Variants in SIRPD observed in about 807,000 individuals in gnomAD.
SIRPD encodes the protein signal-regulatory protein delta.
Under a neutral mutation model 18.0 loss-of-function variants are expected in SIRPD, and 21 were observed. The observed-to-expected ratio is 1.17, with a 90% CI of 0.83 to 1.68. The LOEUF (loss-of-function observed/expected upper bound fraction) is 1.68. SIRPD is among the 40% of genes most tolerant of loss of function. SIRPD has a pLI of 0.00. For synonymous variants in SIRPD, 106 were observed against 92.9 expected (o/e 1.14, Z -0.81); for missense variants, 295 against 238.4 (o/e 1.24, Z -1.56).
At chr20:1,549,564 T>G (rs181078414) in intron 2 of SIRPD, among the ~76,000 whole-genome samples, 21 of 152,104 alleles carry the variant, frequency 1.4e-4, no homozygotes, top group Non-Finnish European at 2.9e-4. Context: ...ATTATTTTGG[T>G]GCAGTTGATT....
chr20:1,547,060 C>T (rs2090996620), intron 2 of SIRPD, among the ~76,000 whole-genome samples: 1 of 152,060 alleles, frequency 6.6e-6, no homozygotes, highest in Non-Finnish European at 1.5e-5. Flanking sequence ...GTTTCTCATG[C>T]TTTTGATACT....
chr20:1,537,384 G>A, intron 2 of SIRPD, 74 bp from the exon 3 acceptor site: 1 of 1,455,250 alleles, frequency 6.9e-7, no homozygotes. Flanking sequence ...AGGGCTGTAG[G>A]ATTATGACCG....
rs777244463 is a variant in SIRPD, at chr20:1,551,945, G to A, written c.167C>T (p.Thr56Ile). The change falls in exon 2 of 4, where the codon ACC (threonine) becomes ATC (isoleucine). Residue 56 changes from threonine (T) to isoleucine (I), a missense_variant. By Grantham distance (89) the Thr-to-Ile change is moderately conservative. Transcript: ENST00000381623. ...SIILSCSVPN[T>I]LPNGPVLWFK... ...CCACAAGACAGGTCCATTTGGTAAG[G>A]TATTGGGTACGCTGCAACTCAAGAT... 1.2e-6 allele frequency: 2 copies of A among 1,614,076 alleles called. No individual in the cohort carries two copies. Among genetic ancestry groups the A allele is most frequent in the African/African-American group, 1.3e-5 (1 of 75,010 alleles).
chr20:1,555,879 C>G (rs965424668), intron 1 of SIRPD, among the ~76,000 whole-genome samples: 5 of 152,204 alleles, frequency 3.3e-5, no homozygotes, highest in African/African-American at 1.2e-4. Flanking sequence ...CACCAAGCTC[C>G]ACTCAAGGTG....
chr20:1,540,644 A>AT (rs1006147929), intron 2 of SIRPD, among the ~76,000 whole-genome samples: 1 of 152,042 alleles, frequency 6.6e-6, no homozygotes, highest in Non-Finnish European at 1.5e-5. Flanking sequence ...TAAAAAATTG[A>AT]TTTTTTAAAT....
intron 2 of SIRPD, among the ~76,000 whole-genome samples, chr20:1,540,948 T>C (rs1025427588): frequency 6.6e-6 from 1 of 152,194 alleles, no homozygotes. Flanking sequence ...TTCATCCATG[T>C]CCCTGGAAAG....
intron 1 of SIRPD, among the ~76,000 whole-genome samples, chr20:1,556,241 A>G (rs1438237766): frequency 6.6e-6 from 1 of 151,890 alleles, no homozygotes. Context: ...GTCACCTTAC[A>G]GTCTGTGTAC....
rs746413734 is a variant in SIRPD at position 1,552,033 on chromosome 20, T to A, written c.79A>T (p.Thr27Ser). 1.9e-6 allele frequency: 3 copies of A among 1,609,478 alleles called. No individual in the cohort carries two copies. Among genetic ancestry groups the A allele is most frequent in the Non-Finnish European group, 2.5e-6 (3 of 1,176,718 alleles). The change falls in exon 2 of 4, where the codon ACA (threonine) becomes TCA (serine). Residue 27 changes from threonine to serine, a missense_variant. Transcript: ENST00000381623. ...GTTTGTTGCACATGGAACACATGTG[T>A]GACTCCTGGAAAAAAGCTGAAAATC... The part of the protein sequence containing the change: ...LYLLLELAGV[T>S]HVFHVQQTEM...
At chr20:1,537,395 T>C (rs991072965) in intron 2 of SIRPD, 85 bp from the exon 3 acceptor site, 6 of 1,409,724 alleles carry the variant, frequency 4.3e-6, no homozygotes, top group Middle Eastern at 1.8e-4. Flanking sequence ...ATTATGACCG[T>C]TCCAGTTTCT....
chr20:1,544,305 G>C (rs1335206881), intron 2 of SIRPD, among the ~76,000 whole-genome samples: 1 of 152,154 alleles, frequency 6.6e-6, no homozygotes, highest in Non-Finnish European at 1.5e-5. Flanking sequence ...TGTATTGAGG[G>C]CATATATATT....
intron 3 of SIRPD, among the ~76,000 whole-genome samples, chr20:1,535,203 C>T (rs2090940186): frequency 6.6e-6 from 1 of 152,130 alleles, no homozygotes; most frequent in Non-Finnish European, 1.5e-5. Flanking sequence ...AACAAATAAA[C>T]CACCATATTT....
intron 2 of SIRPD, among the ~76,000 whole-genome samples, chr20:1,544,107 C>T (rs906932607): frequency 2.0e-5 from 3 of 152,164 alleles, no homozygotes. Flanking sequence ...GTGGAGAGTT[C>T]TGTAGATGTC....
chr20:1,534,508 AT>A, intron 3 of SIRPD, 67 bp from the exon 4 acceptor site: 2 of 1,459,948 alleles, frequency 1.4e-6, no homozygotes, highest in South Asian at 1.2e-5. Context: ...AGCAGACACA[AT>A]TTTTAGAATA....
chr20:1,552,050 C>T lies in SIRPD; in HGVS notation c.74-12G>A, dbSNP rs749693028. On this transcript the variant is annotated splice_polypyrimidine_tract_variant and intron_variant, in intron 1 of 3. Coordinates refer to ENST00000381623, the MANE Select transcript of SIRPD (RefSeq NM_178460.3). ...CACATGTGTGACTCCTGGAAAAAAGCTGAAAATCATTTCTCATTTCCCCTG... is the reference window on the plus strand; with the variant it reads ...CACATGTGTGACTCCTGGAAAAAAGTTGAAAATCATTTCTCATTTCCCCTG... 3.7e-6 allele frequency: 6 copies of T among 1,605,438 alleles called. No individual in the cohort carries two copies. The highest frequency in any genetic ancestry group is 3.4e-6 in the Non-Finnish European group (4 of 1,173,874).
chr20:1,537,115 G>A (rs1018161293), intron 3 of SIRPD, 40 bp downstream of exon 3: 1 of 1,599,386 alleles, frequency 6.3e-7, no homozygotes, highest in African/African-American at 1.3e-5. Flanking sequence ...ACTCAGGAGA[G>A]CATCCCTGCA....
At chr20:1,557,142 A>G (rs1280255610) in intron 1 of SIRPD, among the ~76,000 whole-genome samples, 2 of 152,162 alleles carry the variant, frequency 1.3e-5, no homozygotes, top group African/African-American at 4.8e-5. Flanking sequence ...AGTCCCAGCT[A>G]CTTGGGAGTT....
At position 1,551,956 on chromosome 20, in the gene SIRPD, G is replaced by A. The variant is rs138159839; in HGVS notation, c.156C>T (p.Ser52=). Residue 52 remains serine, a synonymous_variant, in exon 2 of 4, where the codon AGC becomes AGT. Coordinates refer to ENST00000381623, the MANE Select transcript of SIRPD (RefSeq NM_178460.3). ...STGESIILSC[S]VPNTLPNGPV... is the part of the protein sequence containing the mutation. Reference sequence around the variant, plus strand: ...GTCCATTTGGTAAGGTATTGGGTACGCTGCAACTCAAGATGATTGACTCCC... The same window carrying A: ...GTCCATTTGGTAAGGTATTGGGTACACTGCAACTCAAGATGATTGACTCCC... The A allele has an allele frequency of 2.0e-5, 33 of 1,613,990 alleles. No individual in the cohort carries two copies. Among genetic ancestry groups the A allele is most frequent in the South Asian group, 4.4e-5 (4 of 91,074 alleles).
chr20:1,544,756 C>A (rs915648060), intron 2 of SIRPD, among the ~76,000 whole-genome samples: 1 of 152,092 alleles, frequency 6.6e-6, no homozygotes, highest in Admixed American at 6.6e-5. Context: ...TGTCTGGTAC[C>A]AGTTTTTCCT....
At chr20:1,536,350 A>G (rs371049575) in intron 3 of SIRPD, among the ~76,000 whole-genome samples, 11 of 152,068 alleles carry the variant, frequency 7.2e-5, no homozygotes, top group East Asian at 3.8e-4. Context: ...TAACTTATCC[A>G]TAGTCAAACA....
Sources: allele counts gnomAD v4.1 joint callset (sites outside exome capture counted in the v4.1 genomes callset), GRCh38; gene constraint gnomAD v4.1.1; transcripts MANE v1.5; gene names NCBI Gene and HGNC (gene_info 2026-07-23, HGNC 2026-07-21).